The following MECOM variants were observed in gnomAD, a reference collection of about 807,000 sequenced individuals.
MECOM encodes histone-lysine N-methyltransferase MECOM.
Under a neutral mutation model 116.3 loss-of-function variants are expected in MECOM, and 13 were observed. The observed-to-expected ratio is 0.11, with a 90% CI of 0.07 to 0.18. The LOEUF (loss-of-function observed/expected upper bound fraction) is 0.18. MECOM is among the 10% of genes least tolerant of loss of function. MECOM has a pLI of 1.00. For missense variants in MECOM, 1,299 were observed against 1,509.0 expected (o/e 0.86, Z 2.31); for synonymous variants, 528 against 535.2 (o/e 0.99, Z 0.19).
chr3:169,097,825 A>AAAAAAAAAAAAAAAAAAC (rs1722171215), intron 12 of MECOM, among the ~76,000 whole-genome samples: 1 of 135,842 alleles, frequency 7.4e-6, no homozygotes, highest in African/African-American at 3.4e-5. Context: ...TATAAAAAAA[A>AAAAAAAAAAAAAAAAAAC]AAAAAAAAAA....
At chr3:169,637,446 T>G (rs1772940349) in intron 1 of MECOM, among the ~76,000 whole-genome samples, 1 of 152,220 alleles carries the variant, frequency 6.6e-6, no homozygotes, top group Non-Finnish European at 1.5e-5. Flanking sequence ...AGAATCTACT[T>G]TTATTCTAGG....
intron 2 of MECOM, among the ~76,000 whole-genome samples, chr3:169,194,116 A>T (rs1040422659): frequency 2.6e-5 from 4 of 152,058 alleles, no homozygotes; most frequent in African/African-American, 9.7e-5. Flanking sequence ...CAGTTACTGT[A>T]CCTTTCAAGA....
chr3:169,142,599 T>C (rs1738471250), intron 3 of MECOM, among the ~76,000 whole-genome samples: 1 of 151,992 alleles, frequency 6.6e-6, no homozygotes, highest in Non-Finnish European at 1.5e-5. Flanking sequence ...TGGTTTATTA[T>C]TTTTGATATA....
chr3:169,145,050 T>G, intron 2 of MECOM: 3 of 1,542,504 alleles, frequency 1.9e-6, no homozygotes, highest in Non-Finnish European at 2.6e-6. Flanking sequence ...AGAAGCCCTA[T>G]GAATAAGCCT....
intron 7 of MECOM, among the ~76,000 whole-genome samples, chr3:169,119,338 C>T (rs1342131106): frequency 1.3e-5 from 2 of 152,286 alleles, no homozygotes; most frequent in East Asian, 1.9e-4. Context: ...TTCATAATTA[C>T]TCCATGGTTC....
chr3:169,370,522 A>G (rs1729912823), intron 2 of MECOM, among the ~76,000 whole-genome samples: 1 of 151,996 alleles, frequency 6.6e-6, no homozygotes, highest in African/African-American at 2.4e-5. Flanking sequence ...AAAAATAAAC[A>G]TGTGGGACTA....
intron 1 of MECOM, among the ~76,000 whole-genome samples, chr3:169,567,012 A>G (rs1277530507): frequency 2.0e-5 from 3 of 152,374 alleles, no homozygotes; most frequent in African/African-American, 7.2e-5. Context: ...AACACAGGTC[A>G]GATGGGCTTC....
chr3:169,515,043 C>T (rs1756451910), intron 1 of MECOM, among the ~76,000 whole-genome samples: 1 of 152,172 alleles, frequency 6.6e-6, no homozygotes, highest in South Asian at 2.1e-4. Flanking sequence ...GTTCCACCCA[C>T]ATCCAACAAC....
chr3:169,143,906 A>T, intron 2 of MECOM, 74 bp from the exon 3 acceptor site: 1 of 1,439,746 alleles, frequency 6.9e-7, no homozygotes, highest in Non-Finnish European at 9.2e-7. Context: ...GTTTGAAAAT[A>T]TTTCATTGAA....
chr3:169,618,473 T>C (rs537485734), intron 1 of MECOM, among the ~76,000 whole-genome samples: 1 of 152,066 alleles, frequency 6.6e-6, no homozygotes, highest in Non-Finnish European at 1.5e-5. Context: ...CTGGCCAACA[T>C]GGTGAAACCC....
At chr3:169,417,312 C>T (rs1490575910) in intron 1 of MECOM, among the ~76,000 whole-genome samples, 3 of 149,660 alleles carry the variant, frequency 2.0e-5, no homozygotes, top group Non-Finnish European at 4.5e-5. Context: ...TGAACAGACA[C>T]TTCTCAAAAG....
At chr3:169,128,094 G>A in intron 4 of MECOM, 34 bp from the exon 5 acceptor site, 1 of 1,598,630 alleles carries the variant, frequency 6.3e-7, no homozygotes, top group Middle Eastern at 1.7e-4. Context: ...GGATTGGGTG[G>A]TCAGGAATTG....
chr3:169,584,836 A>G (rs1269320042), intron 1 of MECOM, among the ~76,000 whole-genome samples: 1 of 152,226 alleles, frequency 6.6e-6, no homozygotes, highest in Non-Finnish European at 1.5e-5. Context: ...TTCACATTTT[A>G]AAGAATGAAG....
chr3:169,092,734 C>T (rs186263170), intron 14 of MECOM, among the ~76,000 whole-genome samples: 3 of 151,958 alleles, frequency 2.0e-5, no homozygotes, highest in Non-Finnish European at 2.9e-5. Flanking sequence ...TCCTTCACTG[C>T]TAAAATTATA....
intron 1 of MECOM, among the ~76,000 whole-genome samples, chr3:169,526,021 C>A (rs1308388251): frequency 7.5e-6 from 1 of 132,522 alleles, no homozygotes; most frequent in Non-Finnish European, 1.6e-5. Flanking sequence ...GAGCGAAAAC[C>A]CCATCTTGAA....
At chr3:169,508,404 G>C (rs927045042) in intron 1 of MECOM, among the ~76,000 whole-genome samples, 2 of 147,098 alleles carry the variant, frequency 1.4e-5, no homozygotes, top group African/African-American at 5.0e-5. Flanking sequence ...TAGAAAGGTG[G>C]GAGTGCAAAA....
intron 2 of MECOM, among the ~76,000 whole-genome samples, chr3:169,371,514 T>C (rs1577887545): frequency 6.7e-6 from 1 of 149,450 alleles, no homozygotes; most frequent in Non-Finnish European, 1.5e-5. Flanking sequence ...GTATTTTCAC[T>C]ACACACACAC....
chr3:169,375,991 C>A (rs55700913), intron 2 of MECOM, among the ~76,000 whole-genome samples: 2 of 151,970 alleles, frequency 1.3e-5, no homozygotes, highest in African/African-American at 4.8e-5. Context: ...ACGATCAAGT[C>A]GGCTTCATCC....
At chr3:169,143,282 T>C (rs1034568188) in intron 3 of MECOM, among the ~76,000 whole-genome samples, 2 of 152,118 alleles carry the variant, frequency 1.3e-5, no homozygotes, top group African/African-American at 4.8e-5. Context: ...ACTATGCATA[T>C]ACATTTCAAA....
Sources: gnomAD v4.1 joint callset for allele counts (sites outside exome capture counted in the v4.1 genomes callset) on GRCh38, gnomAD v4.1.1 for gene constraint, MANE v1.5 for transcripts, NCBI Gene and HGNC (gene_info 2026-07-23, HGNC 2026-07-21) for gene names.